The following FUCA1 variants were observed in gnomAD, a reference collection of about 807,000 sequenced individuals.
The protein encoded by FUCA1 is alpha-L-fucosidase 1, also known as tissue alpha-L-fucosidase.
Under a neutral mutation model 56.8 loss-of-function variants are expected in FUCA1, and 52 were observed. That is an observed-to-expected ratio of 0.92 (90% CI 0.73 to 1.15). FUCA1 has a LOEUF of 1.15. Ranked by LOEUF, FUCA1 falls within the 50% of genes most tolerant of loss-of-function variation. The pLI, the probability that FUCA1 is intolerant of heterozygous loss-of-function variation, is 0.00. For missense variants in FUCA1, 568 were observed against 592.6 expected (o/e 0.96, Z 0.43); for synonymous variants, 230 against 226.6 (o/e 1.02, Z -0.14).
rs1639194200 is a variant in FUCA1 at position 23,848,708 on chromosome 1, C to T, written c.1101G>A (p.Glu367=). 6.2e-7 allele frequency: 1 copy of T among 1,614,174 alleles called. No individual in the cohort carries two copies. The highest frequency in any genetic ancestry group is 8.5e-7 in the Non-Finnish European group (1 of 1,180,034). ...AVGKWLSING[E]AIYASKPWRV... ...GCCATGGTTTGGAGGCATAGATAGCCTCCCCATTGATGCTCAGCCATTTCC... is the reference window on the plus strand; with the variant it reads ...GCCATGGTTTGGAGGCATAGATAGCTTCCCCATTGATGCTCAGCCATTTCC... The change falls in exon 6 of 8, where the codon GAG becomes GAA. Residue 367 remains glutamate (E), a synonymous_variant. Coordinates refer to ENST00000374479, the MANE Select transcript of FUCA1 (RefSeq NM_000147.5).
At chr1:23,847,484 T>C (rs1225071349) in intron 6 of FUCA1, among the ~76,000 whole-genome samples, 1 of 152,166 alleles carries the variant, frequency 6.6e-6, no homozygotes, top group African/African-American at 2.4e-5. Flanking sequence ...CATATGTCGA[T>C]GGTATAGTAT....
In FUCA1 at chr1:23,868,283, G is replaced by T. The variant is rs2070955; in HGVS notation, c.4C>A (p.Arg2=). ...GGCCGCGACCTCATCCCCGGAGCCC[G>T]CATCGCTACCCCTCAGCGACGCGGC... M[R]APGMRSRPAG... Residue 2 remains arginine (R), a synonymous_variant, in exon 1 of 8, where the codon CGG becomes AGG. Transcript: ENST00000374479. 12 of 1,547,396 alleles carry T rather than the reference G, an allele frequency of 7.8e-6. No individual in the cohort carries two copies. The highest frequency in any genetic ancestry group is 9.6e-6 in the Non-Finnish European group (11 of 1,149,464).
chr1:23,855,315 G>A (rs984385046), intron 4 of FUCA1, among the ~76,000 whole-genome samples: 3 of 152,130 alleles, frequency 2.0e-5, no homozygotes, highest in Non-Finnish European at 4.4e-5. Flanking sequence ...GGCTAACACG[G>A]TGAAATCCCG....
rs560046397 is a variant in FUCA1 at position 23,845,443 on chromosome 1, T to C, written c.*272A>G. The C allele has an allele frequency of 6.1e-6, 3 of 492,112 alleles. No homozygotes were observed. The highest frequency in any genetic ancestry group is 3.3e-5 in the Admixed American group (1 of 30,342). 30.5% of individuals were successfully genotyped at this position (492,112 alleles called of 1,614,324 possible). On this transcript the variant is annotated 3_prime_UTR_variant, in exon 8 of 8. Coordinates refer to ENST00000374479, the MANE Select transcript of FUCA1 (RefSeq NM_000147.5). Reference sequence around the variant, plus strand: ...AACAGAGGGAAGATTCCATTGTAGATAATTTCCAAATATTACAATTGATGA... The same window carrying C: ...AACAGAGGGAAGATTCCATTGTAGACAATTTCCAAATATTACAATTGATGA...
Position 23,855,197 on chromosome 1 carries a change from T to C in FUCA1, c.769-637A>G, listed in dbSNP as rs557038540. ...TACATGGAATATCTTAATGTAAATG[T>C]TAAATGCAGCATATTTTATAACAGA... On this transcript the variant is annotated intron_variant, in intron 4 of 7. Coordinates refer to ENST00000374479, the MANE Select transcript of FUCA1 (RefSeq NM_000147.5). Among the ~76,000 whole-genome samples the C allele has an allele frequency of 7.2e-5, 11 of 152,238 alleles. No individual in the cohort carries two copies. In the East Asian group the frequency reaches 2.1e-3, roughly 29 times the overall value.
intron 3 of FUCA1, 95 bp downstream of exon 3, chr1:23,863,039 T>C (rs1311508430): frequency 7.5e-7 from 1 of 1,342,034 alleles, no homozygotes; most frequent in East Asian, 2.3e-5. Context: ...TTAGGTTTTT[T>C]TCATACCTAT....
At chr1:23,862,205 G>A (rs913114106) in intron 3 of FUCA1, among the ~76,000 whole-genome samples, 3 of 152,186 alleles carry the variant, frequency 2.0e-5, no homozygotes, top group African/African-American at 7.2e-5. Context: ...GTTTTCCTCT[G>A]TAGCCCAGGC....
rs34902309 is a variant in FUCA1 at position 23,865,710 on chromosome 1, A to G, written c.390-85T>C. On this transcript the variant is annotated intron_variant, in intron 1 of 7. Coordinates refer to ENST00000374479, the MANE Select transcript of FUCA1 (RefSeq NM_000147.5). ...CCAGCATGCCTGAGGCTTTTTAAAT[A>G]GCTGAAAGAACTTGACCACAACAAA... is the stretch of plus-strand genomic sequence containing the variant. 598,064 of 1,455,210 alleles carry G rather than the reference A, an allele frequency of 0.41. 126,187 individuals are homozygous for G. Among genetic ancestry groups the G allele is most frequent in the East Asian group, 0.43 (19,142 of 44,054 alleles). 90.1% of individuals were successfully genotyped at this position (1,455,210 alleles called of 1,614,324 possible). A position where few individuals can be genotyped will look rare whatever the true frequency, so the allele number is the denominator to read the frequency against.
intron 2 of FUCA1, among the ~76,000 whole-genome samples, chr1:23,863,616 C>G (rs143150363): frequency 0.1 from 15,192 of 152,206 alleles, 844 homozygotes; most frequent in East Asian, 0.21. Context: ...CTTTGGGAGG[C>G]TGAGGTGGGA....
Position 23,846,427 on chromosome 1 carries a change from C to T in FUCA1, c.1161-254G>A, listed in dbSNP as rs573459848. Among the ~76,000 whole-genome samples, 7 of 151,954 alleles carry T rather than the reference C, an allele frequency of 4.6e-5. No individual in the cohort carries two copies. In the East Asian group the frequency reaches 5.8e-4, roughly 13 times the overall value. ...ACTGGATTACAGGTGTGCACCACCA[C>T]GCCTGGCTAACTTTTGTATTTTTAG... On this transcript the variant is annotated intron_variant, in intron 6 of 7. Transcript: ENST00000374479.
chr1:23,848,919 A>G, intron 5 of FUCA1, 80 bp from the exon 6 acceptor site: 1 of 1,210,718 alleles, frequency 8.3e-7, no homozygotes, highest in Admixed American at 1.7e-5. Context: ...GAGAAGAAAA[A>G]GAATCTAGGG....
In FUCA1 at chr1:23,854,569, G is replaced by GCCAT; in HGVS notation, c.769-10_769-9insATGG. ...TTTACTACCACCTCATCCTAAGGAG[G>GCCAT]GAAAGAATATTTGGTCATGAGGAGT... On this transcript the variant is annotated splice_polypyrimidine_tract_variant and intron_variant, in intron 4 of 7. Transcript: ENST00000374479. 6.2e-7 allele frequency: 1 copy of GCCAT among 1,609,592 alleles called. No individual in the cohort carries two copies. Among genetic ancestry groups the GCCAT allele is most frequent in the Non-Finnish European group, 8.5e-7 (1 of 1,176,038 alleles).
chr1:23,852,103 A>T (rs201469867), intron 5 of FUCA1, among the ~76,000 whole-genome samples: 8 of 37,052 alleles, frequency 2.2e-4, no homozygotes, highest in Non-Finnish European at 3.9e-4. Flanking sequence ...ATAATAATAA[A>T]AAGTGGTTTG....
intron 3 of FUCA1, among the ~76,000 whole-genome samples, chr1:23,861,436 TA>T (rs545344896): frequency 1.0e-3 from 128 of 126,858 alleles, no homozygotes; most frequent in African/African-American, 2.1e-3. Flanking sequence ...TAAAGTATAA[TA>T]AAAAAAAAAA....
Position 23,868,092 on chromosome 1 carries a change from G to T in FUCA1, c.195C>A (p.Gly65=), listed in dbSNP as rs1381846903. 2 of 1,611,726 alleles carry T rather than the reference G, an allele frequency of 1.2e-6. No individual in the cohort carries two copies. Among genetic ancestry groups the T allele is most frequent in the African/African-American group, 2.7e-5 (2 of 74,882 alleles). Residue 65 remains glycine, a synonymous_variant, in exon 1 of 8, where the codon GGC becomes GGA. Coordinates refer to ENST00000374479, the MANE Select transcript of FUCA1 (RefSeq NM_000147.5). ...TGCCCCAGGCGGGCACCGAGAACAC[G>T]CCCCAGTGGATGAACACCCCGAACT... ...EAKFGVFIHW[G]VFSVPAWGSE... is the part of the protein sequence containing the mutation.
chr1:23,861,401 C>T (rs952662388), intron 3 of FUCA1, among the ~76,000 whole-genome samples: 4 of 146,374 alleles, frequency 2.7e-5, no homozygotes, highest in Non-Finnish European at 6.0e-5. Context: ...TTAACCTGCA[C>T]ATTGTACACA....
In FUCA1 at chr1:23,859,513, C is replaced by T. The variant is rs189441194; in HGVS notation, c.768+285G>A. On this transcript the variant is annotated intron_variant, in intron 4 of 7. Transcript: ENST00000374479. ...CTCGGGAGACAGAGGTTGCAGTGAG[C>T]GGAGATCGCACCACTGTACTCCAGC... Among the ~76,000 whole-genome samples the T allele has an allele frequency of 1.7e-3, 253 of 150,200 alleles. 3 individuals carry two copies. The highest frequency in any genetic ancestry group is 5.6e-3 in the African/African-American group (227 of 40,876).
chr1:23,861,496 A>C lies in FUCA1; in HGVS notation c.663-1593T>G, dbSNP rs144769431. 1.9e-3 allele frequency among the ~76,000 whole-genome samples: 293 copies of C among 152,226 alleles called. 1 individual carries two copies. The highest frequency in any genetic ancestry group is 6.6e-3 in the African/African-American group (276 of 41,548). ...GGAAACAAAATGGTGCTTCAGGACT[A>C]TAAGACTAAGATTTGCTTTGAAGAT... On this transcript the variant is annotated intron_variant, in intron 3 of 7. Coordinates refer to ENST00000374479, the MANE Select transcript of FUCA1 (RefSeq NM_000147.5).
At position 23,849,741 on chromosome 1, in the gene FUCA1, C is replaced by G. The variant is rs1294152069; in HGVS notation, c.970-902G>C. On this transcript the variant is annotated intron_variant, in intron 5 of 7. Coordinates refer to ENST00000374479, the MANE Select transcript of FUCA1 (RefSeq NM_000147.5). Reference sequence around the variant, plus strand: ...GGGACTACAGGTGCGCACCACCATGCCCAGTTAATTTTTGTATTTTTAGTA... The same window carrying G: ...GGGACTACAGGTGCGCACCACCATGGCCAGTTAATTTTTGTATTTTTAGTA... Among the ~76,000 whole-genome samples the G allele has an allele frequency of 2.0e-5, 3 of 151,620 alleles. No homozygotes were observed. In the East Asian group the frequency reaches 5.8e-4, roughly 30 times the overall value.
Sources: gnomAD v4.1 joint callset for allele counts (sites outside exome capture counted in the v4.1 genomes callset) on GRCh38, gnomAD v4.1.1 for gene constraint, MANE v1.5 for transcripts, NCBI Gene and HGNC (gene_info 2026-07-23, HGNC 2026-07-21) for gene names.